KLHDC4: variants seen among roughly 807,000 people sequenced by gnomAD.
The protein encoded by KLHDC4 is kelch domain-containing protein 4.
A neutral mutation model predicts 62.4 loss-of-function variants in KLHDC4; 90 were observed. The ratio of observed to expected loss-of-function variants is 1.44; its 90% confidence interval spans 1.22 to 1.72. The LOEUF (loss-of-function observed/expected upper bound fraction) is 1.72, where lower values mean the gene tolerates loss of function less well. Among genes scored for constraint, KLHDC4 ranks in the 40% most tolerant of loss-of-function variants. The probability of loss-of-function intolerance (pLI) is 0.00; values close to 1 mark genes in which losing one functional copy is unlikely to be tolerated. For synonymous variants in KLHDC4, 386 were observed against 284.4 expected (o/e 1.36, Z -3.59); for missense variants, 1,025 against 699.7 (o/e 1.47, Z -5.25).
chr16:87,764,361 G>C (rs1322335905), intron 1 of KLHDC4, among the ~76,000 whole-genome samples: 1 of 152,048 alleles, frequency 6.6e-6, no homozygotes, highest in Non-Finnish European at 1.5e-5. Context: ...AAAATGACAG[G>C]TAACTGGCGG....
intron 6 of KLHDC4, among the ~76,000 whole-genome samples, chr16:87,728,004 G>A (rs1434873826): frequency 6.6e-6 from 1 of 152,088 alleles, no homozygotes; most frequent in Non-Finnish European, 1.5e-5. Flanking sequence ...TGGACAATAT[G>A]GTGAAACCTT....
chr16:87,741,790 T>C (rs1255490192), intron 5 of KLHDC4, among the ~76,000 whole-genome samples: 1 of 152,150 alleles, frequency 6.6e-6, no homozygotes, highest in Non-Finnish European at 1.5e-5. Flanking sequence ...GAATCCAGAC[T>C]CCCTGCGCCT....
intron 3 of KLHDC4, 196 bp downstream of exon 3, chr16:87,756,203 G>C: frequency 2.0e-6 from 1 of 492,570 alleles, no homozygotes; most frequent in Non-Finnish European, 3.7e-6. Flanking sequence ...AGAGACCCCA[G>C]GACCACTGAA....
intron 4 of KLHDC4, among the ~76,000 whole-genome samples, chr16:87,754,493 TAA>T (rs1428007154): frequency 3.3e-5 from 5 of 152,258 alleles, no homozygotes; most frequent in Admixed American, 6.5e-5. Context: ...AGGTGAGTTC[TAA>T]GCACACAATC....
At chr16:87,765,186 G>T (rs1405755404) in intron 1 of KLHDC4, 3 of 456,068 alleles carry the variant, frequency 6.6e-6, no homozygotes, top group Admixed American at 4.7e-5. Context: ...GGTCAGGACG[G>T]ATCCTCCTGC....
intron 7 of KLHDC4, among the ~76,000 whole-genome samples, chr16:87,721,640 G>A (rs2142995753): frequency 6.6e-6 from 1 of 152,312 alleles, no homozygotes; most frequent in Non-Finnish European, 1.5e-5. Context: ...AAGTCACACA[G>A]TCCACACTCG....
chr16:87,751,301 C>G (rs946811115), intron 4 of KLHDC4, among the ~76,000 whole-genome samples: 3 of 152,066 alleles, frequency 2.0e-5, no homozygotes, highest in Non-Finnish European at 2.9e-5. Context: ...TGGTGAAACC[C>G]TGTCTGTACT....
intron 5 of KLHDC4, among the ~76,000 whole-genome samples, chr16:87,745,087 T>G (rs1406692749): frequency 6.6e-6 from 1 of 152,246 alleles, no homozygotes; most frequent in African/African-American, 2.4e-5. Context: ...GAGGAAGCAT[T>G]TCTTTAGGGT....
intron 5 of KLHDC4, among the ~76,000 whole-genome samples, chr16:87,738,466 C>G (rs2041726237): frequency 6.6e-6 from 1 of 152,160 alleles, no homozygotes; most frequent in African/African-American, 2.4e-5. Flanking sequence ...CGTGAACTTT[C>G]ACAGCAACAC....
intron 7 of KLHDC4, among the ~76,000 whole-genome samples, chr16:87,721,931 C>T (rs934272445): frequency 1.3e-5 from 2 of 151,830 alleles, no homozygotes; most frequent in Non-Finnish European, 2.9e-5. Flanking sequence ...GGTGATAAAC[C>T]TTCCACCGTC....
chr16:87,744,862 A>G (rs2042793862), intron 5 of KLHDC4, among the ~76,000 whole-genome samples: 1 of 152,120 alleles, frequency 6.6e-6, no homozygotes, highest in African/African-American at 2.4e-5. Context: ...CACACTTGCA[A>G]GTGCACACAC....
exon 1 of KLHDC4, chr16:87,702,466 A>G (rs369432920): frequency 3.4e-4 from 124 of 362,870 alleles, no homozygotes; most frequent in African/African-American, 2.0e-3. Flanking sequence ...CGCGTCCCCA[A>G]ATGTAGCCAC....
chr16:87,702,835 A>G (rs868363715), downstream of KLHDC4, among the ~76,000 whole-genome samples: 2 of 152,232 alleles, frequency 1.3e-5, no homozygotes, highest in Non-Finnish European at 2.9e-5. Flanking sequence ...CACGCCGTGC[A>G]ATGACAGAGA....
chr16:87,714,501 C>A lies in KLHDC4; in HGVS notation c.832G>T (p.Glu278Ter). Residue 278 changes from glutamate (E) to a stop codon, truncating the protein, a stop_gained, in exon 8 of 12, where the codon GAA (glutamate) becomes TAA (stop). Coordinates refer to ENST00000270583, the MANE Select transcript of KLHDC4 (RefSeq NM_017566.4). LOFTEE classifies it high-confidence loss of function. ...MFLLKPEDGR[E>*]DKWVWTRMNP... is the part of the protein sequence containing the mutation. ...CCTGGAGGCACAGCACCTCTACCTTCTCTTCCGTCCTCTGGCTTCAGCAGG... is the reference window on the plus strand; with the variant it reads ...CCTGGAGGCACAGCACCTCTACCTTATCTTCCGTCCTCTGGCTTCAGCAGG... The A allele has an allele frequency of 6.2e-7, 1 of 1,614,184 alleles. No individual in the cohort carries two copies. The highest frequency in any genetic ancestry group is 8.5e-7 in the Non-Finnish European group (1 of 1,180,032).
chr16:87,754,294 C>G (rs559559056), intron 4 of KLHDC4, among the ~76,000 whole-genome samples: 1 of 151,296 alleles, frequency 6.6e-6, no homozygotes, highest in South Asian at 2.1e-4. Context: ...TGCAATGAGC[C>G]GAAATCAGGC....
chr16:87,704,886 C>T (rs1039916635), downstream of KLHDC4, among the ~76,000 whole-genome samples: 13 of 152,222 alleles, frequency 8.5e-5, no homozygotes, highest in Admixed American at 1.3e-4. Context: ...ATGGCCAGTC[C>T]CTCCAATTCA....
chr16:87,747,139 G>A (rs1200457109), intron 5 of KLHDC4, among the ~76,000 whole-genome samples: 17 of 152,236 alleles, frequency 1.1e-4, no homozygotes, highest in Admixed American at 1.1e-3. Context: ...GCACGAGAGA[G>A]CCCTCATGTC....
chr16:87,702,104 G>A (rs748356655), exon 1 of KLHDC4: 29 of 456,140 alleles, frequency 6.4e-5, no homozygotes, highest in Non-Finnish European at 1.0e-4. Flanking sequence ...CAGCCTTCGG[G>A]TCCCAGAGCT....
rs1285800423 is a variant in KLHDC4 at position 87,700,482 on chromosome 16, A to G, written c.*1157T>C. 4.7e-3 allele frequency: 613 copies of G among 131,488 alleles called. 8 individuals carry two copies. The highest frequency in any genetic ancestry group is 0.017 in the African/African-American group (589 of 35,312). The allele number at this position is 131,488 out of a possible 1,614,324, so 8.1% of individuals were successfully genotyped here. On this transcript the variant is annotated 3_prime_UTR_variant, in exon 1 of 1. Coordinates refer to the KLHDC4 transcript ENST00000446344. ...AGGCGGAGGGAGGAGGGCAGGGGGT[A>G]GAGGGAGGAGGGCAGAGGGTGGAGG... is the stretch of plus-strand genomic sequence containing the variant.
Sources: gnomAD v4.1 joint callset for allele counts (sites outside exome capture counted in the v4.1 genomes callset) on GRCh38, gnomAD v4.1.1 for gene constraint, MANE v1.5 for transcripts, NCBI Gene and HGNC (gene_info 2026-07-23, HGNC 2026-07-21) for gene names.